Variants in USP47 observed in about 807,000 individuals in gnomAD.
USP47 encodes ubiquitin carboxyl-terminal hydrolase 47.
In USP47, 35 loss-of-function variants were observed where a neutral mutation model predicts 165.1. That is an observed-to-expected ratio of 0.21 (90% confidence interval 0.16 to 0.28). USP47 has a LOEUF of 0.28. Among genes scored for constraint, USP47 ranks in the 10% least tolerant of loss-of-function variants. The probability of loss-of-function intolerance (pLI) is 1.00; values close to 1 mark genes in which losing one functional copy is unlikely to be tolerated. For missense variants in USP47, 1,277 were observed against 1,607.4 expected (o/e 0.79, Z 3.52); for synonymous variants, 531 against 544.5 (o/e 0.98, Z 0.35).
chr11:11,893,060 CT>C (rs1446610949), intron 4 of USP47, among the ~76,000 whole-genome samples: 1 of 151,910 alleles, frequency 6.6e-6, no homozygotes, highest in Non-Finnish European at 1.5e-5. Context: ...TTTGAAATTT[CT>C]TTTTTTCTCA....
chr11:11,907,698 C>T (rs1852661137), intron 8 of USP47, among the ~76,000 whole-genome samples: 1 of 152,108 alleles, frequency 6.6e-6, no homozygotes, highest in Admixed American at 6.6e-5. Flanking sequence ...TAAAATCACT[C>T]ATTGAGATTA....
At position 11,879,395 on chromosome 11, in the gene USP47, C is replaced by T. The variant is rs537705463; in HGVS notation, c.40-782C>T. ...ATTATAGAAGGAGGGAAAGGAATTT[C>T]TTCCAATAAAGTATCTTTGATGTAG... On this transcript the variant is annotated intron_variant, in intron 1 of 27. Coordinates refer to ENST00000527733, the MANE Select transcript of USP47 (RefSeq NM_001282659.2). 1.2e-3 allele frequency among the ~76,000 whole-genome samples: 181 copies of T among 152,160 alleles called. No individual in the cohort carries two copies. The Middle Eastern group carries it at 0.014, about 11-fold the overall frequency.
chr11:11,955,955 T>C (rs968760145), intron 27 of USP47, 46 bp from the exon 28 acceptor site: 1 of 1,423,510 alleles, frequency 7.0e-7, no homozygotes, highest in Non-Finnish European at 9.4e-7. Context: ...TTAATAGAGG[T>C]GGAGGGCTCT....
Position 11,954,911 on chromosome 11 carries a change from T to G in USP47, c.3729T>G (p.Ser1243Arg). ...TTATTTTACAGCTTAGTGAAATCAG[T>G]GGGATTCCTTTGGATGATATTGAAT... ...DELREKLSEI[S>R]GIPLDDIEFA... The change falls in exon 26 of 28, where the codon AGT (serine) becomes AGG (arginine). Residue 1243 changes from serine (S) to arginine (R), a missense_variant. Transcript: ENST00000527733. 6.2e-7 allele frequency: 1 copy of G among 1,613,822 alleles called. No homozygotes were observed. Among genetic ancestry groups the G allele is most frequent in the Non-Finnish European group, 8.5e-7 (1 of 1,179,924 alleles).
chr11:11,891,505 C>G (rs1851510089), intron 3 of USP47, among the ~76,000 whole-genome samples: 1 of 152,220 alleles, frequency 6.6e-6, no homozygotes, highest in African/African-American at 2.4e-5. Context: ...TTAGGGAACT[C>G]TGGATTCACA....
chr11:11,936,295 T>C lies in USP47; in HGVS notation c.1870-8T>C, dbSNP rs1260762180. 1 of 1,471,250 alleles carries C rather than the reference T, an allele frequency of 6.8e-7. No individual in the cohort carries two copies. Among genetic ancestry groups the C allele is most frequent in the Non-Finnish European group, 9.0e-7 (1 of 1,104,994 alleles). 91.1% of individuals were successfully genotyped at this position (1,471,250 alleles called of 1,614,324 possible). On this transcript the variant is annotated splice_region_variant and splice_polypyrimidine_tract_variant and intron_variant, in intron 16 of 27. Coordinates refer to ENST00000527733, the MANE Select transcript of USP47 (RefSeq NM_001282659.2). ...ATTTTTTCTTTCTGGGGGATTACTT[T>C]CTTTTAGATGATGGATTTAGAAGAG...
At chr11:11,907,869 G>A (rs899038713) in intron 8 of USP47, among the ~76,000 whole-genome samples, 2 of 152,136 alleles carry the variant, frequency 1.3e-5, no homozygotes, top group African/African-American at 4.8e-5. Context: ...GCCGAGGCGG[G>A]CAGATCACTT....
chr11:11,947,054 A>AG (rs1428798413), intron 20 of USP47, among the ~76,000 whole-genome samples: 1 of 152,198 alleles, frequency 6.6e-6, no homozygotes, highest in African/African-American at 2.4e-5. Context: ...CCTTAGAGCC[A>AG]GGGAGGTCCA....
intron 1 of USP47, among the ~76,000 whole-genome samples, chr11:11,875,884 T>C (rs964142611): frequency 6.6e-6 from 1 of 152,268 alleles, no homozygotes; most frequent in African/African-American, 2.4e-5. Context: ...ATTACAGATG[T>C]GAGCCACCTC....
chr11:11,916,263 C>T lies in USP47; in HGVS notation c.970-3893C>T, dbSNP rs547799932. 2.0e-3 allele frequency among the ~76,000 whole-genome samples: 304 copies of T among 152,174 alleles called. 2 individuals carry two copies. The highest frequency in any genetic ancestry group is 7.0e-3 in the African/African-American group (290 of 41,526). On this transcript the variant is annotated intron_variant, in intron 8 of 27. Transcript: ENST00000527733. ...AGGAGTTTGAGACCAGCCTGGGCAA[C>T]GTGGTGAGATCCTGTCTCAAATAAG... is the stretch of plus-strand genomic sequence containing the variant.
intron 3 of USP47, 61 bp downstream of exon 3, chr11:11,884,641 G>A: frequency 9.0e-7 from 1 of 1,110,850 alleles, no homozygotes; most frequent in South Asian, 1.6e-5. Flanking sequence ...ACTACTTGAG[G>A]ATGCAGTTTC....
At chr11:11,923,006 G>A (rs1410670060) in intron 11 of USP47, 115 bp downstream of exon 11, 8 of 663,848 alleles carry the variant, frequency 1.2e-5, no homozygotes, top group Non-Finnish European at 1.7e-5. Flanking sequence ...CTTAATTTTT[G>A]AAAGTTAAGA....
chr11:11,861,767 C>G (rs1358904874), intron 1 of USP47, among the ~76,000 whole-genome samples: 1 of 152,106 alleles, frequency 6.6e-6, no homozygotes, highest in Non-Finnish European at 1.5e-5. Context: ...ATTTTAAAAG[C>G]ATACTTTATC....
At chr11:11,905,369 C>A (rs1852493105) in intron 7 of USP47, 30 bp from the exon 8 acceptor site, 1 of 1,507,476 alleles carries the variant, frequency 6.6e-7, no homozygotes, top group Non-Finnish European at 9.0e-7. Context: ...TTTTAAGGAA[C>A]ACTTAAAAAT....
In USP47 at chr11:11,902,763, C is replaced by T. The variant is rs368020484; in HGVS notation, c.642C>T (p.Tyr214=). 2.5e-6 allele frequency: 4 copies of T among 1,598,054 alleles called. No individual in the cohort carries two copies. The highest frequency in any genetic ancestry group is 3.4e-6 in the Non-Finnish European group (4 of 1,171,480). ...SEEDPVTSIP[Y]QLQRLFVLLQ... ...AAGATCCAGTGACAAGTATTCCATACCAACTTCAAAGGCTTTTTGTTTTGT... is the reference window on the plus strand; with the variant it reads ...AAGATCCAGTGACAAGTATTCCATATCAACTTCAAAGGCTTTTTGTTTTGT... Residue 214 remains tyrosine (Y), a synonymous_variant, in exon 6 of 28, where the codon TAC becomes TAT. Transcript: ENST00000527733.
rs200920023 is a variant in USP47, at chr11:11,956,116, G to C, written c.4009G>C (p.Glu1337Gln). ...TCGTGTAACATACTCACCTCGTAAA[G>C]AGAAAGCACTAAAAATATATCTGGA... ...GHRVTYSPRK[E>Q]KALKIYLDGA... Residue 1337 changes from glutamate to glutamine, a missense_variant, in exon 28 of 28, where the codon GAG becomes CAG. Glu to Gln is a conservative substitution (Grantham distance 29). This residue lies in a region of USP47 where 909 missense variants were observed against 1,068.1 expected (regional missense o/e 0.85). Transcript: ENST00000527733. 3 of 1,613,968 alleles carry C rather than the reference G, an allele frequency of 1.9e-6. No individual in the cohort carries two copies. The highest frequency in any genetic ancestry group is 2.5e-6 in the Non-Finnish European group (3 of 1,179,926).
At chr11:11,877,029 A>G (rs1850469579) in intron 1 of USP47, among the ~76,000 whole-genome samples, 1 of 152,252 alleles carries the variant, frequency 6.6e-6, no homozygotes, top group African/African-American at 2.4e-5. Context: ...AAATTAAGAA[A>G]GATAGCTGCC....
At chr11:11,890,180 A>C (rs1851422602) in intron 3 of USP47, among the ~76,000 whole-genome samples, 1 of 152,226 alleles carries the variant, frequency 6.6e-6, no homozygotes, top group Non-Finnish European at 1.5e-5. Flanking sequence ...AGCAATTGCA[A>C]CAAAAGCAAA....
intron 8 of USP47, among the ~76,000 whole-genome samples, chr11:11,916,454 G>T (rs973031360): frequency 1.3e-5 from 2 of 151,916 alleles, no homozygotes; most frequent in African/African-American, 4.8e-5. Context: ...CTTAAGCAAA[G>T]AAATAGATTT....
Sources: gnomAD v4.1 joint callset for allele counts (sites outside exome capture counted in the v4.1 genomes callset) on GRCh38, gnomAD v4.1.1 for gene constraint, gnomAD v4.1.1 regional missense constraint, MANE v1.5 for transcripts, NCBI Gene and HGNC (gene_info 2026-07-23, HGNC 2026-07-21) for gene names.